The following CDC45 variants were observed in gnomAD, a reference collection of about 807,000 sequenced individuals.
CDC45 encodes cell division cycle 45.
A neutral mutation model predicts 77.8 loss-of-function variants in CDC45; 54 were observed. The ratio of observed to expected loss-of-function variants is 0.69; its 90% CI spans 0.56 to 0.87. CDC45 has a LOEUF of 0.87. Ranked by LOEUF, CDC45 falls within the 40% of genes least tolerant of loss-of-function variation. The pLI is 0.00. For synonymous variants in CDC45, 260 were observed against 272.1 expected, an observed-to-expected ratio of 0.96 and a Z score of 0.44; for missense variants, 649 against 721.6, an observed-to-expected ratio of 0.90 and a Z score of 1.15.
Position 19,480,190 on chromosome 22 carries a change from T to C in CDC45, c.84T>C (p.Asp28=). The change falls in exon 2 of 19, where the codon GAT becomes GAC. Residue 28 remains aspartate, a synonymous_variant. Transcript: ENST00000263201. ...TTCTCTTCGTGGCCTCGGACGTGGA[T>C]GCTCTGTGTGCGTGCAAGATCCTTC... is the stretch of plus-strand genomic sequence containing the variant. ...RVLLFVASDV[D]ALCACKILQA... The C allele has an allele frequency of 1.2e-6, 2 of 1,613,988 alleles. No homozygotes were observed.
Position 19,516,523 on chromosome 22 carries a change from A to G in CDC45, c.1441-4A>G, listed in dbSNP as rs1367785135. On this transcript the variant is annotated splice_region_variant and splice_polypyrimidine_tract_variant and intron_variant, in intron 15 of 18. Transcript: ENST00000263201. ...CTGACGGAGGGTGCTCTCCGACTCC[A>G]TAGACAAAGAACCGGCGCTGCAAAC... The G allele has an allele frequency of 6.2e-7, 1 of 1,612,128 alleles. No homozygotes were observed. The highest frequency in any genetic ancestry group is 1.3e-5 in the African/African-American group (1 of 74,776).
intron 9 of CDC45, among the ~76,000 whole-genome samples, chr22:19,499,801 T>C (rs2090308648): frequency 2.0e-5 from 3 of 152,188 alleles, no homozygotes; most frequent in Admixed American, 6.5e-5. Flanking sequence ...CTCTTAGGGA[T>C]TGGCATGGAC....
chr22:19,480,164 C>A lies in CDC45; in HGVS notation c.58C>A (p.Leu20Ile). The change falls in exon 2 of 19, where the codon CTT becomes ATT. Residue 20 changes from leucine (L) to isoleucine (I), a missense_variant. Coordinates refer to ENST00000263201, the MANE Select transcript of CDC45 (RefSeq NM_003504.5). ...GTCTGCTCTTCCCCGATAGAGGGTC[C>A]TTCTCTTCGTGGCCTCGGACGTGGA... ...FYEVVQSQRV[L>I]LFVASDVDAL... is the part of the protein sequence containing the mutation. 1 of 1,614,052 alleles carries A rather than the reference C, an allele frequency of 6.2e-7. No individual in the cohort carries two copies. The highest frequency in any genetic ancestry group is 2.2e-5 in the East Asian group (1 of 44,854).
intron 6 of CDC45, among the ~76,000 whole-genome samples, chr22:19,495,321 A>G (rs559101761): frequency 1.3e-5 from 2 of 152,362 alleles, no homozygotes; most frequent in African/African-American, 4.8e-5. Context: ...AATGTAGGTT[A>G]CTTCCAATAT....
chr22:19,514,817 C>T lies in CDC45; in HGVS notation c.1286C>T (p.Thr429Ile). 1.2e-6 allele frequency: 2 copies of T among 1,614,224 alleles called. No homozygotes were observed. Among genetic ancestry groups the T allele is most frequent in the East Asian group, 2.2e-5 (1 of 44,880 alleles). Reference protein sequence around the residue: ...AKKQLRATQQTIASCLCTNLV... With the variant: ...AKKQLRATQQIIASCLCTNLV... The stretch of plus-strand genomic sequence containing the variant: ...AAGCAGCTGCGAGCCACCCAGCAGA[C>T]CATTGCCAGCTGCCTTTGCACCAAC... The change falls in exon 14 of 19, where the codon ACC becomes ATC. Residue 429 changes from threonine (T) to isoleucine (I), a missense_variant. Physicochemically the swap from Thr to Ile is moderately conservative, Grantham distance 89. Transcript: ENST00000263201.
intron 3 of CDC45, among the ~76,000 whole-genome samples, chr22:19,481,366 T>C (rs2089979766): frequency 6.6e-6 from 1 of 152,142 alleles, no homozygotes; most frequent in African/African-American, 2.4e-5. Context: ...TTATTTTATT[T>C]TGGTTTATTT....
intron 8 of CDC45, among the ~76,000 whole-genome samples, chr22:19,498,565 C>T (rs1482225978): frequency 2.6e-5 from 4 of 152,224 alleles, no homozygotes; most frequent in Admixed American, 2.0e-4. Context: ...TGAAGGCTCA[C>T]CAGAGGCCTA....
At chr22:19,499,715 T>G (rs561991286) in intron 9 of CDC45, among the ~76,000 whole-genome samples, 1 of 152,226 alleles carries the variant, frequency 6.6e-6, no homozygotes, top group East Asian at 1.9e-4. Context: ...CAGGGCGAAG[T>G]GGGGGTTGGC....
Position 19,505,362 on chromosome 22 carries a change from A to G in CDC45, c.705A>G (p.Gln235=). 6.2e-7 allele frequency: 1 copy of G among 1,614,028 alleles called. No homozygotes were observed. The highest frequency in any genetic ancestry group is 8.5e-7 in the Non-Finnish European group (1 of 1,180,008). Reference sequence around the variant, plus strand: ...AGGCTTGTGCTACTTTTTTTTCCAGAATGAAATACGTGACTGATGTTGGTG... The same window carrying G: ...AGGCTTGTGCTACTTTTTTTTCCAGGATGAAATACGTGACTGATGTTGGTG... ...TDQWVQDKIT[Q]MKYVTDVGVL... Residue 235 remains glutamine, a splice_region_variant and synonymous_variant, in exon 10 of 19, where the codon CAA becomes CAG. Coordinates refer to ENST00000263201, the MANE Select transcript of CDC45 (RefSeq NM_003504.5).
chr22:19,508,319 A>G (rs1363545346), intron 12 of CDC45, among the ~76,000 whole-genome samples: 1 of 152,214 alleles, frequency 6.6e-6, no homozygotes, highest in Non-Finnish European at 1.5e-5. Context: ...TAAGCCAGCC[A>G]TAAAGCTGTT....
intron 5 of CDC45, among the ~76,000 whole-genome samples, chr22:19,490,033 T>C (rs1037338274): frequency 4.6e-5 from 7 of 152,260 alleles, no homozygotes; most frequent in African/African-American, 1.7e-4. Flanking sequence ...TGTCCCACTC[T>C]GTCTCTGGTA....
Position 19,508,419 on chromosome 22 carries a change from T to C in CDC45, c.1056-111T>C. 5.4e-6 allele frequency: 6 copies of C among 1,117,472 alleles called. No individual in the cohort carries two copies. The South Asian group carries it at 8.1e-5, about 15-fold the overall frequency. 69.2% of individuals were successfully genotyped at this position (1,117,472 alleles called of 1,614,324 possible). On this transcript the variant is annotated intron_variant, in intron 12 of 18. Coordinates refer to ENST00000263201, the MANE Select transcript of CDC45 (RefSeq NM_003504.5). Reference sequence around the variant, plus strand: ...CATCCTCTGAGCAGCATGGCTGTGCTGGAAGCATTGACTTGGGCCTGTGAG... The same window carrying C: ...CATCCTCTGAGCAGCATGGCTGTGCCGGAAGCATTGACTTGGGCCTGTGAG...
At chr22:19,479,785 T>C (rs2089942251), upstream of CDC45, 2 of 672,268 alleles carry the variant, frequency 3.0e-6, no homozygotes, top group African/African-American at 1.8e-5. Context: ...TGGCCGTGAA[T>C]GGCAGAGCGC....
At chr22:19,518,768 G>A in intron 17 of CDC45, 76 bp from the exon 18 acceptor site, 3 of 1,172,748 alleles carry the variant, frequency 2.6e-6, no homozygotes, top group Non-Finnish European at 3.9e-6. Flanking sequence ...AGGGCAGGCA[G>A]CGGAGGGGAG....
At chr22:19,504,174 C>T (rs780778304) in intron 9 of CDC45, among the ~76,000 whole-genome samples, 3 of 152,252 alleles carry the variant, frequency 2.0e-5, no homozygotes, top group African/African-American at 4.8e-5. Flanking sequence ...AGACTTGTTA[C>T]ACTGAGACAG....
Position 19,482,839 on chromosome 22 carries a change from G to T in CDC45, c.342+12G>T. On this transcript the variant is annotated intron_variant, in intron 4 of 18. Coordinates refer to ENST00000263201, the MANE Select transcript of CDC45 (RefSeq NM_003504.5). ...ACAACGATACCCAGGTACTTTTTGT[G>T]CTATGCCCTCAAACTGTCTGTACTT... The T allele has an allele frequency of 6.2e-7, 1 of 1,613,386 alleles. No homozygotes were observed. Among genetic ancestry groups the T allele is most frequent in the Non-Finnish European group, 8.5e-7 (1 of 1,179,436 alleles).
chr22:19,488,098 A>G (rs1164504636), intron 5 of CDC45, among the ~76,000 whole-genome samples: 2 of 152,218 alleles, frequency 1.3e-5, no homozygotes, highest in East Asian at 3.8e-4. Flanking sequence ...GGCTCAGGTC[A>G]CGGGTTTCAA....
At chr22:19,515,918 G>A (rs1290536296) in intron 15 of CDC45, among the ~76,000 whole-genome samples, 1 of 152,216 alleles carries the variant, frequency 6.6e-6, no homozygotes, top group African/African-American at 2.4e-5. Context: ...TGGAGTGACT[G>A]CCCATCCTGG....
Position 19,516,947 on chromosome 22 carries a change from T to C in CDC45, c.1636+54T>C, listed in dbSNP as rs2073732. ...TTTCCCACCTGACCCTTTGAGGCTA[T>C]TGCAGGCCCTGGAACCAAGCAAGTT... On this transcript the variant is annotated intron_variant, in intron 17 of 18. Transcript: ENST00000263201. 0.7 allele frequency: 1,025,963 copies of C among 1,473,050 alleles called. 362,251 individuals carry two copies. Among genetic ancestry groups the C allele is most frequent in the South Asian group, 0.84 (74,133 of 88,004 alleles). The allele number at this position is 1,473,050 out of a possible 1,614,324, so 91.2% of individuals were successfully genotyped here.
Sources: gnomAD v4.1 joint callset for allele counts (sites outside exome capture counted in the v4.1 genomes callset) on GRCh38, gnomAD v4.1.1 for gene constraint, MANE v1.5 for transcripts, NCBI Gene and HGNC (gene_info 2026-07-23, HGNC 2026-07-21) for gene names.